Variants in OAT observed in about 807,000 individuals in gnomAD.
OAT encodes the protein ornithine aminotransferase, also known as ornithine aminotransferase, mitochondrial.
Under a neutral mutation model 48.4 loss-of-function variants are expected in OAT, and 35 were observed. The observed-to-expected ratio is 0.72, with a 90% CI of 0.55 to 0.96. OAT has a LOEUF of 0.96. Ranked by LOEUF, OAT falls within the 40% of genes least tolerant of loss-of-function variation. The pLI is 0.00. For synonymous variants in OAT, 182 were observed against 198.4 expected, an observed-to-expected ratio of 0.92 and a Z score of 0.70; for missense variants, 438 against 537.9, an observed-to-expected ratio of 0.81 and a Z score of 1.84.
At chr10:124,417,228 G>A (rs1183872224) in intron 1 of OAT, among the ~76,000 whole-genome samples, 1 of 150,964 alleles carries the variant, frequency 6.6e-6, no homozygotes, top group Non-Finnish European at 1.5e-5. Flanking sequence ...CTTTGGGGGG[G>A]GGATGCAAAA....
intron 9 of OAT, among the ~76,000 whole-genome samples, chr10:124,399,899 G>A (rs1246195944): frequency 2.0e-5 from 3 of 152,150 alleles, no homozygotes; most frequent in East Asian, 1.9e-4. Flanking sequence ...GGGAAGGATA[G>A]CAAAGAGGAC....
At chr10:124,398,228 G>T in intron 9 of OAT, 126 bp from the exon 10 acceptor site, 1 of 1,093,902 alleles carries the variant, frequency 9.1e-7, no homozygotes. Flanking sequence ...AGGGAAGCTT[G>T]GGCTGGGAGC....
chr10:124,403,219 A>G, intron 6 of OAT, 164 bp from the exon 7 acceptor site: 3 of 755,028 alleles, frequency 4.0e-6, no homozygotes, highest in South Asian at 1.7e-5. Flanking sequence ...AGAGTATCCT[A>G]TAAGAATCTT....
intron 1 of OAT, among the ~76,000 whole-genome samples, chr10:124,418,378 G>A (rs1010804049): frequency 7.9e-5 from 12 of 152,168 alleles, no homozygotes; most frequent in African/African-American, 2.9e-4. Context: ...TCCCCAGAAC[G>A]CAGCCTCCCC....
intron 2 of OAT, among the ~76,000 whole-genome samples, chr10:124,409,903 A>T (rs1410137457): frequency 1.3e-5 from 2 of 152,240 alleles, no homozygotes; most frequent in African/African-American, 4.8e-5. Flanking sequence ...GTTATAATTA[A>T]AAAAACAACT....
At chr10:124,417,377 C>G (rs752406111) in intron 1 of OAT, among the ~76,000 whole-genome samples, 39 of 150,358 alleles carry the variant, frequency 2.6e-4, no homozygotes, top group Non-Finnish European at 4.7e-4. Context: ...CTCTGCCTCC[C>G]GGGTTCAAGC....
chr10:124,416,452 G>A (rs917242239), intron 1 of OAT, among the ~76,000 whole-genome samples: 12 of 152,148 alleles, frequency 7.9e-5, no homozygotes, highest in Admixed American at 2.0e-4. Flanking sequence ...TACTTCATTA[G>A]ATCTAATGGC....
At chr10:124,418,592 C>T (rs1270744131) in intron 1 of OAT, among the ~76,000 whole-genome samples, 1 of 152,068 alleles carries the variant, frequency 6.6e-6, no homozygotes, top group Non-Finnish European at 1.5e-5. Context: ...TGGGCTGGAA[C>T]CAGGACTCCG....
intron 9 of OAT, among the ~76,000 whole-genome samples, chr10:124,398,345 T>C (rs1951296057): frequency 6.6e-6 from 1 of 151,416 alleles, no homozygotes; most frequent in Non-Finnish European, 1.5e-5. Context: ...CCGTCTCTAC[T>C]AAAAATACAA....
chr10:124,400,715 A>C, intron 9 of OAT, 125 bp downstream of exon 9: 34 of 681,184 alleles, frequency 5.0e-5, no homozygotes, highest in Non-Finnish European at 6.6e-5. Context: ...GCGCCACGGC[A>C]CTGCAGCCTA....
At chr10:124,416,337 C>T (rs1196178735) in intron 1 of OAT, among the ~76,000 whole-genome samples, 1 of 152,184 alleles carries the variant, frequency 6.6e-6, no homozygotes, top group Non-Finnish European at 1.5e-5. Context: ...AGCAAGTGAT[C>T]AAGACCATGG....
rs1951420966 is a variant in OAT at position 124,401,847 on chromosome 10, ACAGT to A, written c.901-12_901-9del. ...ACACAGCACTGCAGACACCTGAAAG[ACAGT>A]CAATTCACCATGTCATTTCTCAGCA... On this transcript the variant is annotated splice_polypyrimidine_tract_variant and intron_variant, in intron 7 of 9. Transcript: ENST00000368845. 1 of 1,595,480 alleles carries A rather than the reference ACAGT, an allele frequency of 6.3e-7. No homozygotes were observed. Among genetic ancestry groups the A allele is most frequent in the African/African-American group, 1.3e-5 (1 of 74,476 alleles).
intron 1 of OAT, among the ~76,000 whole-genome samples, chr10:124,413,265 C>T (rs1564741100): frequency 8.9e-6 from 1 of 112,162 alleles, no homozygotes; most frequent in Non-Finnish European, 1.7e-5. Flanking sequence ...TACATAAATA[C>T]ATACACACAC....
chr10:124,405,668 G>C, intron 4 of OAT, 105 bp from the exon 5 acceptor site: 1 of 1,556,888 alleles, frequency 6.4e-7, no homozygotes, highest in Non-Finnish European at 8.7e-7. Flanking sequence ...AATAAATCAA[G>C]GGCTTGCTTT....
intron 9 of OAT, among the ~76,000 whole-genome samples, chr10:124,399,959 T>C (rs889650611): frequency 6.6e-6 from 1 of 152,214 alleles, no homozygotes; most frequent in Non-Finnish European, 1.5e-5. Flanking sequence ...CTCTAAATAC[T>C]GCATGACTAA....
intron 2 of OAT, among the ~76,000 whole-genome samples, chr10:124,410,384 T>C (rs1951710450): frequency 6.6e-6 from 1 of 152,238 alleles, no homozygotes; most frequent in Admixed American, 6.5e-5. Flanking sequence ...ACATGACAAC[T>C]GAATGCAACT....
rs149228974 is a variant in OAT at position 124,398,171 on chromosome 10, G to T, written c.1160-69C>A. 2.8e-5 allele frequency: 43 copies of T among 1,538,392 alleles called. No homozygotes were observed. In the African/African-American group the frequency reaches 4.9e-4, roughly 18 times the overall value. ...TAAACATCCCTTGCCGTATGTATGGGCAAAGTGCAGCCTGGCAAAACAAAA... is the reference window on the plus strand; with the variant it reads ...TAAACATCCCTTGCCGTATGTATGGTCAAAGTGCAGCCTGGCAAAACAAAA... On this transcript the variant is annotated intron_variant, in intron 9 of 9. Transcript: ENST00000368845.
At chr10:124,405,633 ACAC>A in intron 4 of OAT, 70 bp from the exon 5 acceptor site, 1 of 1,595,218 alleles carries the variant, frequency 6.3e-7, no homozygotes, top group Non-Finnish European at 8.5e-7. Context: ...TCCCCGCAAA[ACAC>A]CACAAGAAGT....
chr10:124,400,881 C>T lies in OAT; in HGVS notation c.1118G>A (p.Gly373Glu), dbSNP rs386833595. 2.5e-6 allele frequency: 4 copies of T among 1,605,476 alleles called. No homozygotes were observed. The highest frequency in any genetic ancestry group is 2.6e-6 in the Non-Finnish European group (3 of 1,174,032). Residue 373 changes from glycine to glutamate, a missense_variant, in exon 9 of 10, where the codon GGA (glycine) becomes GAA (glutamate). Physicochemically the swap from Gly to Glu is moderately conservative, Grantham distance 98 (BLOSUM62 -2). Transcript: ENST00000368845. ...GACAATAGCGTTTAATAATCCTTTTCCTCTTACGGCAGTTACAACATCAGA... is the reference window on the plus strand; with the variant it reads ...GACAATAGCGTTTAATAATCCTTTTTCTCTTACGGCAGTTACAACATCAGA... ...LPSDVVTAVR[G>E]KGLLNAIVIK...
Sources: allele counts gnomAD v4.1 joint callset (sites outside exome capture counted in the v4.1 genomes callset), GRCh38; gene constraint gnomAD v4.1.1; transcripts MANE v1.5; gene names NCBI Gene and HGNC (gene_info 2026-07-23, HGNC 2026-07-21).